The following AGO4 variants were observed in gnomAD, a reference collection of about 807,000 sequenced individuals.
AGO4 encodes the protein protein argonaute-4.
Under a neutral mutation model 104.7 loss-of-function variants are expected in AGO4, and 33 were observed. The ratio of observed to expected loss-of-function variants is 0.32; its 90% CI spans 0.24 to 0.42. The LOEUF is 0.42. Ranked by LOEUF, AGO4 falls within the 10% of genes least tolerant of loss-of-function variation. AGO4 has a pLI of 1.00. For synonymous variants in AGO4, 331 were observed against 364.7 expected, an observed-to-expected ratio of 0.91 and a Z score of 1.05; for missense variants, 711 against 1,083.4, an observed-to-expected ratio of 0.66 and a Z score of 4.83.
rs377729394 is a variant in AGO4, at chr1:35,841,583, T to A, written c.2041-33T>A. 18 of 1,613,600 alleles carry A rather than the reference T, an allele frequency of 1.1e-5. No individual in the cohort carries two copies. The highest frequency in any genetic ancestry group is 1.5e-5 in the Non-Finnish European group (18 of 1,179,728). On this transcript the variant is annotated intron_variant, in intron 14 of 17. Coordinates refer to ENST00000373210, the MANE Select transcript of AGO4 (RefSeq NM_017629.4). The surrounding 1 kb of genome is among the most constrained non-coding windows in gnomAD (Gnocchi z 4.7). The stretch of plus-strand genomic sequence containing the variant: ...GATCTGAGAGATACTAGGCAAATTC[T>A]CAATTAAACATAATTCCATTTCTGT...
At chr1:35,820,337 A>G (rs765490770) in intron 2 of AGO4, among the ~76,000 whole-genome samples, 5 of 152,164 alleles carry the variant, frequency 3.3e-5, no homozygotes, top group Admixed American at 2.0e-4. Context: ...AGAAACTGAG[A>G]TTAAGAAAGT....
rs5773512 is a variant in AGO4 at position 35,841,811 on chromosome 1, C to CATATATATATATATATATATAT, written c.2175+67_2175+88dup. 113 of 606,456 alleles carry CATATATATATATATATATATAT rather than the reference C, an allele frequency of 1.9e-4. No homozygotes were observed. The highest frequency in any genetic ancestry group is 3.1e-4 in the Admixed American group (8 of 25,814). The allele number at this position is 606,456 out of a possible 1,614,324, so 37.6% of individuals were successfully genotyped here. A position where few individuals can be genotyped will look rare whatever the true frequency, so the allele number is the denominator to read the frequency against. The stretch of plus-strand genomic sequence containing the variant: ...CTCTGGCAAGAGATGTATATATGCA[C>CATATATATATATATATATATAT]ATATATATATATATATATATATATA... On this transcript the variant is annotated intron_variant, in intron 15 of 17. Coordinates refer to ENST00000373210, the MANE Select transcript of AGO4 (RefSeq NM_017629.4). This position sits in a 1 kb window ranked among gnomAD's most constrained non-coding sequence, Gnocchi z 4.7.
rs1005696922 is a variant in AGO4, at chr1:35,808,248, C to T, written c.-169C>T. On this transcript the variant is annotated 5_prime_UTR_variant, in exon 1 of 18. Transcript: ENST00000373210. This position sits in a 1 kb window ranked among gnomAD's most constrained non-coding sequence, Gnocchi z 5.2. The stretch of plus-strand genomic sequence containing the variant: ...GGAAGAGCCGGAGCCGGGTCCCTGT[C>T]CCCGGGCCGGGCGCCGCCGCCGCCC... The T allele has an allele frequency of 2.4e-5, 4 of 169,350 alleles. No homozygotes were observed. The highest frequency in any genetic ancestry group is 7.3e-5 in the African/African-American group (3 of 41,200). The allele number at this position is 169,350 out of a possible 1,614,324, so 10.5% of individuals were successfully genotyped here.
At chr1:35,822,566 T>C (rs1368055965) in intron 2 of AGO4, among the ~76,000 whole-genome samples, 4 of 152,156 alleles carry the variant, frequency 2.6e-5, no homozygotes, top group Non-Finnish European at 5.9e-5. Context: ...GTTATTCTTA[T>C]AAGGCTGTGT....
chr1:35,834,576 A>G (rs543634415), intron 12 of AGO4, among the ~76,000 whole-genome samples: 80 of 152,332 alleles, frequency 5.3e-4, no homozygotes, highest in Non-Finnish European at 2.9e-5. Flanking sequence ...GGTGAAAAGC[A>G]CTTAGGAATA....
Position 35,826,073 on chromosome 1 carries a change from A to G in AGO4, c.760+13A>G, listed in dbSNP as rs760141856. 1.2e-6 allele frequency: 2 copies of G among 1,613,528 alleles called. No homozygotes were observed. Among genetic ancestry groups the G allele is most frequent in the East Asian group, 2.2e-5 (1 of 44,888 alleles). Reference sequence around the variant, plus strand: ...AAAGAAATCAGAGGTAAGTGTTTGCATTAATGTAGTCTTGGAGAAGCAGCT... The same window carrying G: ...AAAGAAATCAGAGGTAAGTGTTTGCGTTAATGTAGTCTTGGAGAAGCAGCT... On this transcript the variant is annotated intron_variant, in intron 6 of 17. Transcript: ENST00000373210.
chr1:35,832,521 G>A lies in AGO4; in HGVS notation c.1330G>A (p.Ala444Thr). ...FYAGIEIKVWAVACFAPQKQC... is the reference protein window; with the variant it reads ...FYAGIEIKVWTVACFAPQKQC... Reference sequence around the variant, plus strand: ...TGCTGGCATTGAAATTAAAGTTTGGGCAGTTGCTTGTTTTGCACCTCAGAA... The same window carrying A: ...TGCTGGCATTGAAATTAAAGTTTGGACAGTTGCTTGTTTTGCACCTCAGAA... The change falls in exon 11 of 18, where the codon GCA (alanine) becomes ACA (threonine). Residue 444 changes from alanine (A) to threonine (T), a missense_variant. Coordinates refer to ENST00000373210, the MANE Select transcript of AGO4 (RefSeq NM_017629.4). The A allele has an allele frequency of 6.2e-7, 1 of 1,613,340 alleles. No homozygotes were observed. Among genetic ancestry groups the A allele is most frequent in the Non-Finnish European group, 8.5e-7 (1 of 1,179,838 alleles).
chr1:35,851,066 G>A lies in AGO4; in HGVS notation c.2477+13G>A, dbSNP rs1289778255. 1 of 1,592,994 alleles carries A rather than the reference G, an allele frequency of 6.3e-7. No individual in the cohort carries two copies. The highest frequency in any genetic ancestry group is 1.7e-4 in the Middle Eastern group (1 of 6,034). Reference sequence around the variant, plus strand: ...AAGATCATGACAGGCAAGTTTCTTAGGCACAATAAAGTCTCTTTATATTTT... The same window carrying A: ...AAGATCATGACAGGCAAGTTTCTTAAGCACAATAAAGTCTCTTTATATTTT... On this transcript the variant is annotated intron_variant, in intron 17 of 17. Transcript: ENST00000373210.
chr1:35,841,369 C>T lies in AGO4; in HGVS notation c.1929C>T (p.Asp643=). Residue 643 remains aspartate, a synonymous_variant, in exon 14 of 18, where the codon GAC becomes GAT. Transcript: ENST00000373210. The surrounding 1 kb of genome is among the most constrained non-coding windows in gnomAD (Gnocchi z 4.7). ...ELLYSQEVIQ[D]LTNMVRELLI... ...TCTACAGTCAAGAGGTCATCCAGGA[C>T]CTGACTAACATGGTTCGAGAGCTGC... 1 of 1,614,206 alleles carries T rather than the reference C, an allele frequency of 6.2e-7. No homozygotes were observed. Among genetic ancestry groups the T allele is most frequent in the Non-Finnish European group, 8.5e-7 (1 of 1,180,034 alleles).
intron 1 of AGO4, among the ~76,000 whole-genome samples, chr1:35,815,994 C>A (rs2148651285): frequency 6.6e-6 from 1 of 152,278 alleles, no homozygotes; most frequent in Non-Finnish European, 1.5e-5. Flanking sequence ...GTGGAATAAA[C>A]TAGATCTTAT....
intron 13 of AGO4, among the ~76,000 whole-genome samples, chr1:35,840,703 A>G (rs1024762291): frequency 6.6e-6 from 1 of 152,124 alleles, no homozygotes; most frequent in Admixed American, 6.5e-5. Flanking sequence ...TGCAGCCTCA[A>G]ACTCCTGGGC....
chr1:35,827,992 G>T (rs770642330), intron 7 of AGO4, among the ~76,000 whole-genome samples: 3 of 151,316 alleles, frequency 2.0e-5, no homozygotes, highest in Non-Finnish European at 2.9e-5. Flanking sequence ...CAGTTTGCCC[G>T]CCTCGGCCTC....
intron 13 of AGO4, among the ~76,000 whole-genome samples, chr1:35,838,896 C>G (rs1644376185): frequency 6.6e-6 from 1 of 151,830 alleles, no homozygotes; most frequent in Admixed American, 6.6e-5. Flanking sequence ...GTGCCTTGCT[C>G]TTACGCAATC....
At chr1:35,850,779 TC>T (rs757357333) in intron 16 of AGO4, 74 bp from the exon 17 acceptor site, 4 of 899,312 alleles carry the variant, frequency 4.4e-6, no homozygotes, top group Non-Finnish European at 6.0e-6. Context: ...AGACTCCATC[TC>T]AAAAAAAAAA....
At chr1:35,812,732 C>T (rs1643549850) in intron 1 of AGO4, among the ~76,000 whole-genome samples, 2 of 152,106 alleles carry the variant, frequency 1.3e-5, no homozygotes, top group African/African-American at 4.8e-5. Flanking sequence ...GCTGGGATTA[C>T]AGGTGCCCAC....
At chr1:35,809,114 G>A (rs763476581) in intron 1 of AGO4, among the ~76,000 whole-genome samples, 1 of 152,164 alleles carries the variant, frequency 6.6e-6, no homozygotes, top group Non-Finnish European at 1.5e-5. Context: ...AGGCTTCAAT[G>A]CCCTGAGTTC....
In AGO4 at chr1:35,832,424, T is replaced by C. The variant is rs1220855478; in HGVS notation, c.1246-13T>C. The C allele has an allele frequency of 6.4e-7, 1 of 1,560,010 alleles. No homozygotes were observed. The highest frequency in any genetic ancestry group is 8.6e-7 in the Non-Finnish European group (1 of 1,161,618). On this transcript the variant is annotated splice_polypyrimidine_tract_variant and intron_variant, in intron 10 of 17. Coordinates refer to ENST00000373210, the MANE Select transcript of AGO4 (RefSeq NM_017629.4). ...TCTTCTTCTTCTTCTTCTTCTTTTT[T>C]TTTTTTTCAAAGAATAAAACAGTAG... is the stretch of plus-strand genomic sequence containing the variant.
chr1:35,824,227 T>G (rs1643957332), intron 3 of AGO4, among the ~76,000 whole-genome samples: 1 of 152,124 alleles, frequency 6.6e-6, no homozygotes. Flanking sequence ...ATTTACCGCC[T>G]CCACCACTTA....
At position 35,816,872 on chromosome 1, in the gene AGO4, A is replaced by T; in HGVS notation, c.20-10A>T. ...AAAATAGCACAGCAAATGTCTTTCA[A>T]TCTCTTTAGGACCTCCGGCTAGCCT... On this transcript the variant is annotated splice_polypyrimidine_tract_variant and intron_variant, in intron 1 of 17. Coordinates refer to ENST00000373210, the MANE Select transcript of AGO4 (RefSeq NM_017629.4). The T allele has an allele frequency of 6.4e-7, 1 of 1,557,944 alleles. No individual in the cohort carries two copies. Among genetic ancestry groups the T allele is most frequent in the Non-Finnish European group, 8.6e-7 (1 of 1,156,468 alleles).
Sources: gnomAD v4.1 joint callset for allele counts (sites outside exome capture counted in the v4.1 genomes callset) on GRCh38, gnomAD v4.1.1 for gene constraint, Gnocchi (gnomAD v3.1) non-coding constraint, MANE v1.5 for transcripts, NCBI Gene and HGNC (gene_info 2026-07-23, HGNC 2026-07-21) for gene names.